MYLK: variants seen among roughly 807,000 people sequenced by gnomAD.
The protein encoded by MYLK is myosin light chain kinase, smooth muscle.
In MYLK, 106 loss-of-function variants were observed where a neutral mutation model predicts 203.4. That is an observed-to-expected ratio of 0.52 (90% CI 0.45 to 0.61). The LOEUF is 0.61. Among genes scored for constraint, MYLK ranks in the 20% least tolerant of loss-of-function variants. The pLI, the probability that MYLK is intolerant of heterozygous loss-of-function variation, is 0.00. For missense variants in MYLK, 2,072 were observed against 2,442.3 expected (o/e 0.85, Z 3.20); for synonymous variants, 867 against 959.5 (o/e 0.90, Z 1.78).
intron 4 of MYLK, among the ~76,000 whole-genome samples, chr3:123,760,180 G>A (rs949268251): frequency 6.6e-6 from 1 of 152,036 alleles, no homozygotes; most frequent in African/African-American, 2.4e-5. Flanking sequence ...ATGTATGTAT[G>A]TATGTATGTA....
chr3:123,737,792 C>T (rs915480785), intron 7 of MYLK, among the ~76,000 whole-genome samples: 1 of 152,116 alleles, frequency 6.6e-6, no homozygotes, highest in Non-Finnish European at 1.5e-5. Context: ...TTCAAAGGAG[C>T]CTGAGTTTGA....
intron 2 of MYLK, among the ~76,000 whole-genome samples, chr3:123,849,960 T>C (rs1435776977): frequency 6.6e-6 from 1 of 152,202 alleles, no homozygotes; most frequent in Non-Finnish European, 1.5e-5. Flanking sequence ...GTTCTCATTG[T>C]TCAATTCCCA....
intron 12 of MYLK, among the ~76,000 whole-genome samples, chr3:123,724,183 T>G (rs1173778539): frequency 6.8e-6 from 1 of 146,010 alleles, no homozygotes; most frequent in Non-Finnish European, 1.5e-5. Context: ...AGGTTCACTG[T>G]GTTGGCCAGG....
chr3:123,772,936 T>C (rs546810277), intron 4 of MYLK, among the ~76,000 whole-genome samples: 2 of 152,132 alleles, frequency 1.3e-5, no homozygotes, highest in East Asian at 1.9e-4. Flanking sequence ...AAAATTGGCA[T>C]AGTAATGTTG....
At chr3:123,764,741 G>A (rs550282302) in intron 4 of MYLK, among the ~76,000 whole-genome samples, 35 of 152,260 alleles carry the variant, frequency 2.3e-4, no homozygotes, top group Admixed American at 3.9e-4. Context: ...GGACTACAGC[G>A]GGGAACCGGG....
rs1012126110 is a variant in MYLK, at chr3:123,648,062, G to A, written c.4416-635C>T. ...AGGGTCCTGCTTCCTACTGCTGAGA[G>A]AGGGGAGAGTGGGGCTCCTCTGTGA... On this transcript the variant is annotated intron_variant, in intron 26 of 33. Transcript: ENST00000360304. The surrounding 1 kb of genome is among the most constrained non-coding windows in gnomAD (Gnocchi z 4.5). Among the ~76,000 whole-genome samples the A allele has an allele frequency of 2.0e-5, 3 of 152,248 alleles. No homozygotes were observed. The highest frequency in any genetic ancestry group is 2.9e-5 in the Non-Finnish European group (2 of 68,044).
At chr3:123,859,751 C>T (rs888800319) in intron 2 of MYLK, among the ~76,000 whole-genome samples, 6 of 152,144 alleles carry the variant, frequency 3.9e-5, no homozygotes, top group Non-Finnish European at 5.9e-5. Flanking sequence ...GGAAACATGT[C>T]CAACCTCAGT....
chr3:123,862,722 T>A (rs1244808881), intron 2 of MYLK, among the ~76,000 whole-genome samples: 1 of 152,162 alleles, frequency 6.6e-6, no homozygotes, highest in Admixed American at 6.5e-5. Context: ...AGAGAACCAA[T>A]CCCCTGATGC....
chr3:123,610,752 T>A lies in MYLK; in HGVS notation c.*3353A>T, dbSNP rs1333845656. On this transcript the variant is annotated 3_prime_UTR_variant, in exon 34 of 34. Coordinates refer to ENST00000360304, the MANE Select transcript of MYLK (RefSeq NM_053025.4). ...AATTGGGTTTCTCACAACTCAATTA[T>A]TTATTACCTCCTATGTACTTATTAG... The A allele has an allele frequency of 1.3e-5, 2 of 152,224 alleles. No homozygotes were observed. Among genetic ancestry groups the A allele is most frequent in the African/African-American group, 4.8e-5 (2 of 41,454 alleles). 9.4% of individuals were successfully genotyped at this position (152,224 alleles called of 1,614,324 possible).
intron 4 of MYLK, among the ~76,000 whole-genome samples, chr3:123,775,452 C>T (rs1363862804): frequency 6.6e-6 from 1 of 152,216 alleles, no homozygotes; most frequent in Non-Finnish European, 1.5e-5. Context: ...TGAGTCTTAG[C>T]ATTTCATGCC....
At chr3:123,858,502 G>A (rs1410793619) in intron 2 of MYLK, among the ~76,000 whole-genome samples, 1 of 152,114 alleles carries the variant, frequency 6.6e-6, no homozygotes, top group Non-Finnish European at 1.5e-5. Context: ...GCTACATCTG[G>A]TAAGAACCTT....
intron 3 of MYLK, among the ~76,000 whole-genome samples, chr3:123,820,487 TC>T (rs2065885837): frequency 6.6e-6 from 1 of 152,198 alleles, no homozygotes; most frequent in African/African-American, 2.4e-5. Context: ...TGGGACATGA[TC>T]TTCACTCCTG....
intron 20 of MYLK, among the ~76,000 whole-genome samples, chr3:123,674,668 A>C (rs2060017283): frequency 6.6e-6 from 1 of 152,244 alleles, no homozygotes; most frequent in South Asian, 2.1e-4. Flanking sequence ...TGGTCCCTGC[A>C]CCTTCCTTTG....
Position 123,666,200 on chromosome 3 carries a change from AC to A in MYLK, c.3831+18del. 6.2e-7 allele frequency: 1 copy of A among 1,614,140 alleles called. No individual in the cohort carries two copies. The highest frequency in any genetic ancestry group is 8.5e-7 in the Non-Finnish European group (1 of 1,180,024). Reference sequence around the variant, plus strand: ...ATTATTCCCAGCACCCCCAGTGCCCACCCCATACCGTCACTGACCTGCTTTC... The same window carrying A: ...ATTATTCCCAGCACCCCCAGTGCCCACCCATACCGTCACTGACCTGCTTTC... On this transcript the variant is annotated intron_variant, in intron 22 of 33. Transcript: ENST00000360304.
intron 4 of MYLK, among the ~76,000 whole-genome samples, chr3:123,760,432 C>T (rs1489610716): frequency 6.6e-6 from 1 of 152,220 alleles, no homozygotes; most frequent in African/African-American, 2.4e-5. Context: ...TCTGCCTCGG[C>T]CTCCCAAAGT....
chr3:123,662,715 G>A (rs1307250947), intron 23 of MYLK, among the ~76,000 whole-genome samples: 2 of 152,218 alleles, frequency 1.3e-5, no homozygotes, highest in African/African-American at 2.4e-5. Context: ...GTGCCCACGT[G>A]TGTGTGCACC....
intron 4 of MYLK, among the ~76,000 whole-genome samples, chr3:123,767,503 T>A (rs958388441): frequency 6.6e-6 from 1 of 152,152 alleles, no homozygotes; most frequent in Non-Finnish European, 1.5e-5. Flanking sequence ...GATACTCAGG[T>A]GGCTGAGGCA....
At chr3:123,650,924 T>C (rs951261322) in intron 24 of MYLK, among the ~76,000 whole-genome samples, 1 of 152,196 alleles carries the variant, frequency 6.6e-6, no homozygotes, top group Non-Finnish European at 1.5e-5. Context: ...CTGCTTGGGC[T>C]GTCAGATGCT....
chr3:123,742,535 G>A (rs535581401), intron 5 of MYLK, among the ~76,000 whole-genome samples: 1 of 151,990 alleles, frequency 6.6e-6, no homozygotes. Context: ...CAAAAAAAGG[G>A]GCAGGGAGGA....
Sources: gnomAD v4.1 joint callset for allele counts (sites outside exome capture counted in the v4.1 genomes callset) on GRCh38, gnomAD v4.1.1 for gene constraint, Gnocchi (gnomAD v3.1) non-coding constraint, MANE v1.5 for transcripts, NCBI Gene and HGNC (gene_info 2026-07-23, HGNC 2026-07-21) for gene names.